The following THSD7A variants were observed in gnomAD, a reference collection of about 807,000 sequenced individuals.
THSD7A encodes the protein thrombospondin type 1 domain containing 7A.
THSD7A carries 96 observed loss-of-function variants against 231.3 expected under a neutral mutation model. That is an observed-to-expected ratio of 0.41 (90% CI 0.35 to 0.49). THSD7A has a LOEUF of 0.49. Among genes scored for constraint, THSD7A ranks in the 20% least tolerant of loss-of-function variants. THSD7A has a pLI of 0.05. For synonymous variants in THSD7A, 940 were observed against 743.3 expected (o/e 1.26, Z -4.30); for missense variants, 2,290 against 2,070.2 (o/e 1.11, Z -2.06).
chr7:11,392,698 G>A (rs1333323217), intron 23 of THSD7A, among the ~76,000 whole-genome samples: 3 of 152,170 alleles, frequency 2.0e-5, no homozygotes, highest in Non-Finnish European at 4.4e-5. Flanking sequence ...TTGGTGGGAG[G>A]AGGGGTGTAT....
intron 6 of THSD7A, chr7:11,520,200 G>A (rs1788204467): frequency 6.6e-6 from 1 of 152,178 alleles, no homozygotes; most frequent in African/African-American, 2.4e-5. Flanking sequence ...GCAGGCATTT[G>A]AGTCAAATAG....
chr7:11,510,709 C>T lies in THSD7A; in HGVS notation c.1823-28727G>A, dbSNP rs543665709. Among the ~76,000 whole-genome samples the T allele has an allele frequency of 5.8e-4, 88 of 152,104 alleles. No individual in the cohort carries two copies. In the South Asian group the frequency reaches 7.5e-3, roughly 13 times the overall value. On this transcript the variant is annotated intron_variant, in intron 6 of 27. Transcript: ENST00000423059. ...TCTCAATAGATGCAAAAAAGGCCTT[C>T]GACAAAATTCAACAGCCCTTCATGC...
At position 11,462,096 on chromosome 7, in the gene THSD7A, G is replaced by C; in HGVS notation, c.2416C>G (p.Leu806Val). The stretch of plus-strand genomic sequence containing the variant: ...CAGTCTCGGCCCCCGTTGGCTGGCA[G>C]CTGAATGATGACCCGATGCCTAGAC... ...KQSRHRVIIQ[L>V]PANGGRDCTD... Residue 806 changes from leucine (L) to valine (V), a missense_variant, in exon 10 of 28, where the codon CTG becomes GTG. Transcript: ENST00000423059. 6.2e-7 allele frequency: 1 copy of C among 1,613,810 alleles called. No homozygotes were observed. The highest frequency in any genetic ancestry group is 1.1e-5 in the South Asian group (1 of 91,078).
At chr7:11,735,971 GTTATA>G (rs1422654088) in intron 1 of THSD7A, among the ~76,000 whole-genome samples, 2 of 151,778 alleles carry the variant, frequency 1.3e-5, no homozygotes, top group African/African-American at 2.4e-5. Context: ...TACTTCTAGT[GTTATA>G]TTAAACATAT....
chr7:11,478,597 A>T (rs563712279), intron 7 of THSD7A, among the ~76,000 whole-genome samples: 12 of 151,238 alleles, frequency 7.9e-5, no homozygotes, highest in Non-Finnish European at 1.8e-4. Context: ...GAAAGAAAGG[A>T]AAAGGAAAAG....
intron 14 of THSD7A, among the ~76,000 whole-genome samples, chr7:11,428,389 A>G (rs1454032677): frequency 6.6e-6 from 1 of 152,214 alleles, no homozygotes; most frequent in African/African-American, 2.4e-5. Flanking sequence ...ATCAAAAGTC[A>G]GAGTTCCAAA....
At chr7:11,688,509 G>A (rs945565319) in intron 1 of THSD7A, among the ~76,000 whole-genome samples, 8 of 151,912 alleles carry the variant, frequency 5.3e-5, no homozygotes, top group African/African-American at 1.7e-4. Context: ...GGGAACAAAA[G>A]GATGTTGTCT....
intron 1 of THSD7A, among the ~76,000 whole-genome samples, chr7:11,822,653 T>G (rs986305430): frequency 2.0e-5 from 3 of 152,238 alleles, no homozygotes; most frequent in Middle Eastern, 6.8e-3. Flanking sequence ...TGTAATAATT[T>G]ACATTCCCAC....
chr7:11,811,607 A>C (rs187365004), intron 1 of THSD7A, among the ~76,000 whole-genome samples: 1 of 152,330 alleles, frequency 6.6e-6, no homozygotes, highest in Non-Finnish European at 1.5e-5. Flanking sequence ...TACACGAGAC[A>C]GAATGAGAAC....
chr7:11,771,677 C>G (rs1486090850), intron 1 of THSD7A, among the ~76,000 whole-genome samples: 1 of 151,378 alleles, frequency 6.6e-6, no homozygotes, highest in Non-Finnish European at 1.5e-5. Flanking sequence ...AAAAAGCATA[C>G]GAAAAAATAC....
chr7:11,453,980 C>T (rs1441528731), intron 11 of THSD7A, among the ~76,000 whole-genome samples: 1 of 151,888 alleles, frequency 6.6e-6, no homozygotes, highest in African/African-American at 2.4e-5. Context: ...CTTCTAAATA[C>T]CATCTGAACT....
chr7:11,407,140 A>G, intron 20 of THSD7A, 85 bp from the exon 21 acceptor site: 2 of 1,540,042 alleles, frequency 1.3e-6, no homozygotes, highest in Non-Finnish European at 1.8e-6. Context: ...CATCACAGTG[A>G]TATCTCCTGA....
intron 1 of THSD7A, among the ~76,000 whole-genome samples, chr7:11,691,979 A>G (rs545840090): frequency 6.6e-6 from 1 of 151,716 alleles, no homozygotes; most frequent in African/African-American, 2.4e-5. Flanking sequence ...GCAGAGATAC[A>G]AAAGGAAATT....
At chr7:11,409,115 A>C (rs1182793627) in intron 19 of THSD7A, among the ~76,000 whole-genome samples, 1 of 152,236 alleles carries the variant, frequency 6.6e-6, no homozygotes, top group Non-Finnish European at 1.5e-5. Context: ...AATAAATTAA[A>C]AAGAAATCTA....
At chr7:11,782,079 T>C (rs1427026194) in intron 1 of THSD7A, among the ~76,000 whole-genome samples, 1 of 152,184 alleles carries the variant, frequency 6.6e-6, no homozygotes, top group African/African-American at 2.4e-5. Flanking sequence ...CAGTCACCTT[T>C]GGTTAAAAAC....
intron 1 of THSD7A, among the ~76,000 whole-genome samples, chr7:11,640,417 G>T (rs1196397003): frequency 6.6e-6 from 1 of 151,906 alleles, no homozygotes; most frequent in African/African-American, 2.4e-5. Flanking sequence ...AGAGATTTTT[G>T]ATTTTTATCT....
At chr7:11,817,232 A>G (rs981973246) in intron 1 of THSD7A, among the ~76,000 whole-genome samples, 2 of 152,186 alleles carry the variant, frequency 1.3e-5, no homozygotes, top group African/African-American at 4.8e-5. Context: ...TACTTCCAAC[A>G]TCCTTTCATT....
At chr7:11,598,327 G>A (rs906308313) in intron 2 of THSD7A, among the ~76,000 whole-genome samples, 2 of 152,216 alleles carry the variant, frequency 1.3e-5, no homozygotes, top group African/African-American at 4.8e-5. Context: ...TTCCATGTGA[G>A]TGCTCACCAA....
intron 1 of THSD7A, among the ~76,000 whole-genome samples, chr7:11,820,130 C>T (rs190015392): frequency 1.1e-3 from 160 of 152,306 alleles, no homozygotes; most frequent in African/African-American, 3.8e-3. Flanking sequence ...GGCTCCACCG[C>T]CAGCCTCCTC....
Sources: gnomAD v4.1 joint callset for allele counts (sites outside exome capture counted in the v4.1 genomes callset) on GRCh38, gnomAD v4.1.1 for gene constraint, MANE v1.5 for transcripts, NCBI Gene and HGNC (gene_info 2026-07-23, HGNC 2026-07-21) for gene names.